The following TNNI2 variants were observed in gnomAD, a reference collection of about 807,000 sequenced individuals.
TNNI2 encodes troponin I, fast skeletal muscle.
Under a neutral mutation model 26.5 loss-of-function variants are expected in TNNI2, and 14 were observed. The observed-to-expected ratio is 0.53, with a 90% CI of 0.35 to 0.83. The LOEUF (loss-of-function observed/expected upper bound fraction) is 0.83. TNNI2 is among the 40% of genes least tolerant of loss of function. The probability of loss-of-function intolerance (pLI) is 0.01; values close to 1 mark genes in which losing one functional copy is unlikely to be tolerated. For synonymous variants in TNNI2, 126 were observed against 97.6 expected (o/e 1.29, Z -1.71); for missense variants, 205 against 248.5 (o/e 0.82, Z 1.18).
rs543955585 is a variant in TNNI2, at chr11:1,840,379, G to C, written c.16-24G>C. 5 of 1,602,976 alleles carry C rather than the reference G, an allele frequency of 3.1e-6. No homozygotes were observed. The South Asian group carries it at 4.5e-5, about 14-fold the overall frequency. On this transcript the variant is annotated intron_variant, in intron 3 of 7. Coordinates refer to ENST00000381911, the MANE Select transcript of TNNI2 (RefSeq NM_003282.4). ...GCTCCAGGCCTGGAGGCCCTGACTC[G>C]ACCCCCTGTCCCCTGCCCTGCAGAA...
At chr11:1,839,972 C>G (rs77266884) in intron 3 of TNNI2, 117 bp downstream of exon 3, 3 of 1,494,480 alleles carry the variant, frequency 2.0e-6, no homozygotes, top group Admixed American at 1.9e-5. Context: ...TGGCCCTCCC[C>G]GCTGGCAAAA....
intron 7 of TNNI2, 74 bp downstream of exon 7, chr11:1,841,281 G>A (rs2133035776): frequency 1.3e-6 from 2 of 1,585,516 alleles, no homozygotes; most frequent in Middle Eastern, 2.1e-4. Flanking sequence ...CCCGCCTGGG[G>A]ACCACCTCCC....
chr11:1,839,555 AG>A, intron 1 of TNNI2, 119 bp from the exon 2 acceptor site: 1 of 745,382 alleles, frequency 1.3e-6, no homozygotes, highest in Non-Finnish European at 1.9e-6. Flanking sequence ...AGGTGAGAGT[AG>A]GGGGTGGGCG....
rs1847183661 is a variant in TNNI2, at chr11:1,841,563, C to T, written c.*12C>T. The stretch of plus-strand genomic sequence containing the variant: ...AGTCCGAGTCCTAGGCCACTCGCTG[C>T]CCCTACGCCTGCCCCGGTGCCCGGC... On this transcript the variant is annotated 3_prime_UTR_variant, in exon 8 of 8. Transcript: ENST00000381911. 2 of 1,612,718 alleles carry T rather than the reference C, an allele frequency of 1.2e-6. No homozygotes were observed. Among genetic ancestry groups the T allele is most frequent in the African/African-American group, 2.7e-5 (2 of 74,902 alleles).
At position 1,839,667 on chromosome 11, in the gene TNNI2, C is replaced by T. The variant is rs1847119738; in HGVS notation, c.-22-8C>T. On this transcript the variant is annotated splice_region_variant and splice_polypyrimidine_tract_variant and intron_variant, in intron 1 of 7. Coordinates refer to ENST00000381911, the MANE Select transcript of TNNI2 (RefSeq NM_003282.4). ...CTGGCCAACACCTCTGTCTTCCTCTCCCCACAGGCTCCAAGCTCAGGACCT... is the reference window on the plus strand; with the variant it reads ...CTGGCCAACACCTCTGTCTTCCTCTTCCCACAGGCTCCAAGCTCAGGACCT... 1.2e-6 allele frequency: 2 copies of T among 1,613,616 alleles called. No individual in the cohort carries two copies. The highest frequency in any genetic ancestry group is 8.5e-7 in the Non-Finnish European group (1 of 1,179,902).
Position 1,840,876 on chromosome 11 carries a change from A to G in TNNI2, c.244A>G (p.Met82Val). Residue 82 changes from methionine (M) to valine (V), a missense_variant, in exon 6 of 8, where the codon ATG becomes GTG. Transcript: ENST00000381911. ...IDAAEEEKYD[M>V]EVRVQKTSKE... ...TGCGGCTGAAGAGGAGAAGTACGACATGGAGGTGAGGGTGCAGAAGACCAG... is the reference window on the plus strand; with the variant it reads ...TGCGGCTGAAGAGGAGAAGTACGACGTGGAGGTGAGGGTGCAGAAGACCAG... The G allele has an allele frequency of 6.2e-7, 1 of 1,613,148 alleles. No individual in the cohort carries two copies. Among genetic ancestry groups the G allele is most frequent in the Non-Finnish European group, 8.5e-7 (1 of 1,179,738 alleles).
chr11:1,840,444 G>C lies in TNNI2; in HGVS notation c.57G>C (p.Lys19Asn). 6.2e-7 allele frequency: 1 copy of C among 1,610,928 alleles called. No homozygotes were observed. The highest frequency in any genetic ancestry group is 8.5e-7 in the Non-Finnish European group (1 of 1,179,604). Residue 19 changes from lysine (K) to asparagine (N), a missense_variant and splice_region_variant, in exon 4 of 8, where the codon AAG becomes AAC. Transcript: ENST00000381911. ...TCACGGCCCGCAGGCAGCACCTGAA[G>C]GTAGGTGTGGGCTCCCGGGGGGGTG... ...RAITARRQHL[K>N]SVMLQIAATE... is the part of the protein sequence containing the mutation.
chr11:1,841,319 C>T, intron 7 of TNNI2, 112 bp downstream of exon 7: 3 of 1,538,022 alleles, frequency 2.0e-6, no homozygotes, highest in Non-Finnish European at 1.8e-6. Context: ...GGCCCTGTAC[C>T]ACTGCCCCTC....
chr11:1,839,948 C>G, intron 3 of TNNI2, 93 bp downstream of exon 3: 1 of 1,565,836 alleles, frequency 6.4e-7, no homozygotes, highest in Non-Finnish European at 8.7e-7. Context: ...CCCTAAGGCC[C>G]AGAGAAGATG....
intron 5 of TNNI2, 32 bp from the exon 6 acceptor site, chr11:1,840,787 G>A: frequency 1.2e-6 from 2 of 1,603,404 alleles, no homozygotes; most frequent in Non-Finnish European, 1.7e-6. Flanking sequence ...CCAAGTGTCA[G>A]GACGGCCGCC....
chr11:1,840,860 AGAG>A lies in TNNI2; in HGVS notation c.232_234del (p.Glu78del), dbSNP rs757565524. On this transcript the variant is annotated inframe_deletion, in exon 6 of 8. Transcript: ENST00000381911. The stretch of plus-strand genomic sequence containing the variant: ...TGCACGCCAAGATCGATGCGGCTGA[AGAG>A]GAGAAGTACGACATGGAGGTGAGGG... 36 of 1,613,358 alleles carry A rather than the reference AGAG, an allele frequency of 2.2e-5. No homozygotes were observed. Among genetic ancestry groups the A allele is most frequent in the Middle Eastern group, 1.7e-4 (1 of 6,014 alleles).
Position 1,841,634 on chromosome 11 carries a change from A to G in TNNI2, c.*83A>G. On this transcript the variant is annotated 3_prime_UTR_variant, in exon 8 of 8. Transcript: ENST00000381911. ...GAGATGCACCCAGAGCCTGCCAGGG[A>G]GGGCTGGCCTCACCACCACCGTCAA... The G allele has an allele frequency of 1.5e-6, 2 of 1,290,736 alleles. No individual in the cohort carries two copies. Among genetic ancestry groups the G allele is most frequent in the Non-Finnish European group, 2.2e-6 (2 of 896,424 alleles). 80.0% of individuals were successfully genotyped at this position (1,290,736 alleles called of 1,614,324 possible).
In TNNI2 at chr11:1,841,199, A is replaced by G; in HGVS notation, c.445A>G (p.Thr149Ala). ...CCTGAAGCAGGTCAAGAAGGAGGAC[A>G]CAGAGAAGGTGCGTGCCACGGGGGG... ...ANLKQVKKEDTEKERDLRDVG... is the reference protein window; with the variant it reads ...ANLKQVKKEDAEKERDLRDVG... The change falls in exon 7 of 8, where the codon ACA becomes GCA. Residue 149 changes from threonine (T) to alanine (A), a missense_variant. Coordinates refer to ENST00000381911, the MANE Select transcript of TNNI2 (RefSeq NM_003282.4). 1.2e-6 allele frequency: 2 copies of G among 1,612,556 alleles called. No homozygotes were observed. The highest frequency in any genetic ancestry group is 1.7e-6 in the Non-Finnish European group (2 of 1,179,958).
intron 3 of TNNI2, 114 bp downstream of exon 3, chr11:1,839,969 C>T: frequency 6.7e-7 from 1 of 1,500,244 alleles, no homozygotes; most frequent in Non-Finnish European, 9.0e-7. Flanking sequence ...GCCTGGCCCT[C>T]CCCGCTGGCA....
intron 3 of TNNI2, chr11:1,840,062 C>A: frequency 2.8e-6 from 3 of 1,073,342 alleles, no homozygotes; most frequent in Non-Finnish European, 4.1e-6. Flanking sequence ...GGAAGTGTGG[C>A]TGTGGCCTGG....
At chr11:1,840,792 GCCGC>G in intron 5 of TNNI2, 23 bp from the exon 6 acceptor site, 2 of 1,603,960 alleles carry the variant, frequency 1.2e-6, no homozygotes, top group Non-Finnish European at 1.7e-6. Context: ...TGTCAGGACG[GCCGC>G]CCGCCCCCAC....
chr11:1,841,638 C>A lies in TNNI2; in HGVS notation c.*87C>A. On this transcript the variant is annotated 3_prime_UTR_variant, in exon 8 of 8. Transcript: ENST00000381911. Reference sequence around the variant, plus strand: ...TGCACCCAGAGCCTGCCAGGGAGGGCTGGCCTCACCACCACCGTCAATAAA... The same window carrying A: ...TGCACCCAGAGCCTGCCAGGGAGGGATGGCCTCACCACCACCGTCAATAAA... 8.2e-7 allele frequency: 1 copy of A among 1,213,392 alleles called. No individual in the cohort carries two copies. Among genetic ancestry groups the A allele is most frequent in the Non-Finnish European group, 1.2e-6 (1 of 828,432 alleles). 75.2% of individuals were successfully genotyped at this position (1,213,392 alleles called of 1,614,324 possible). A position where few individuals can be genotyped will look rare whatever the true frequency, so the allele number is the denominator to read the frequency against.
chr11:1,839,558 G>T (rs1377413887), intron 1 of TNNI2, 117 bp from the exon 2 acceptor site: 4 of 979,192 alleles, frequency 4.1e-6, no homozygotes, highest in Non-Finnish European at 6.2e-6. Flanking sequence ...TGAGAGTAGG[G>T]GGTGGGCGGG....
intron 7 of TNNI2, 44 bp downstream of exon 7, chr11:1,841,251 G>T: frequency 6.2e-7 from 1 of 1,601,142 alleles, no homozygotes; most frequent in South Asian, 1.1e-5. Context: ...CCCTGCCGGG[G>T]AAGCACCTCC....
Sources: allele counts gnomAD v4.1 joint callset, GRCh38; gene constraint gnomAD v4.1.1; transcripts MANE v1.5; gene names NCBI Gene and HGNC (gene_info 2026-07-23, HGNC 2026-07-21).